The following PCDHA5 variants were observed in gnomAD, a reference collection of about 807,000 sequenced individuals.
PCDHA5 encodes the protein protocadherin alpha 5, also known as protocadherin alpha-5.
Under a neutral mutation model 61.6 loss-of-function variants are expected in PCDHA5, and 43 were observed. The observed-to-expected ratio is 0.70, with a 90% CI of 0.55 to 0.90. The LOEUF (loss-of-function observed/expected upper bound fraction) is 0.90, where lower values mean the gene tolerates loss of function less well. PCDHA5 is among the 40% of genes least tolerant of loss of function. PCDHA5 has a pLI of 0.00. For synonymous variants in PCDHA5, 627 were observed against 543.9 expected (o/e 1.15, Z -2.13); for missense variants, 1,298 against 1,222.7 (o/e 1.06, Z -0.92).
intron 2 of PCDHA5, chr5:140,982,259 G>A (rs2153828072): frequency 2.4e-6 from 2 of 820,856 alleles, no homozygotes; most frequent in South Asian, 4.9e-5. Context: ...GAACATGTGT[G>A]TTCCTGGAAT....
At chr5:140,857,620 C>G (rs782083775) in intron 1 of PCDHA5, 4 of 1,596,448 alleles carry the variant, frequency 2.5e-6, no homozygotes, top group Non-Finnish European at 3.4e-6. Context: ...CGCTGGACCA[C>G]GAGGAGCTGG....
At chr5:140,994,355 G>A (rs2097616615) in intron 3 of PCDHA5, among the ~76,000 whole-genome samples, 2 of 152,240 alleles carry the variant, frequency 1.3e-5, no homozygotes, top group South Asian at 4.1e-4. Flanking sequence ...TGGGACCTCA[G>A]AAGATGGAAT....
chr5:140,960,713 ATCTTATTTTAGT>A (rs2095563566), intron 1 of PCDHA5, among the ~76,000 whole-genome samples: 3 of 150,862 alleles, frequency 2.0e-5, no homozygotes, highest in Non-Finnish European at 4.4e-5. Flanking sequence ...CCAAATACTC[ATCTTATTTTAGT>A]CCATGATTTT....
intron 1 of PCDHA5, chr5:140,877,329 C>T: frequency 6.2e-7 from 1 of 1,614,012 alleles, no homozygotes; most frequent in South Asian, 1.1e-5. Flanking sequence ...TCGGCGCGCA[C>T]ATCCCGTTCC....
intron 1 of PCDHA5, among the ~76,000 whole-genome samples, chr5:140,901,174 G>C (rs782712619): frequency 1.3e-5 from 2 of 152,050 alleles, no homozygotes; most frequent in Non-Finnish European, 2.9e-5. Flanking sequence ...TCTTCACTTT[G>C]TTGATTGTTT....
chr5:140,919,115 T>G (rs2079009343), intron 1 of PCDHA5, among the ~76,000 whole-genome samples: 1 of 152,228 alleles, frequency 6.6e-6, no homozygotes, highest in Non-Finnish European at 1.5e-5. Context: ...TTCTGCCAGT[T>G]TTTGCTTCAT....
At chr5:140,938,204 C>T (rs2091973590) in intron 1 of PCDHA5, among the ~76,000 whole-genome samples, 1 of 152,136 alleles carries the variant, frequency 6.6e-6, no homozygotes, top group East Asian at 1.9e-4. Flanking sequence ...CGCCAGCCTC[C>T]CAAAGTGCTG....
rs1038140347 is a variant in PCDHA5 at position 140,928,220 on chromosome 5, C to T, written c.2353-50729C>T. On this transcript the variant is annotated intron_variant, in intron 1 of 3. Transcript: ENST00000529859. ...GTTGCTGATGTGAATGACAATACAC[C>T]AAACTTTCCTCAACCCCAGCAGGAA... The T allele has an allele frequency of 2.5e-6, 4 of 1,614,048 alleles. No individual in the cohort carries two copies. The Admixed American group carries it at 5.0e-5, about 20-fold the overall frequency.
At chr5:140,842,098 A>G (rs2150329282) in intron 1 of PCDHA5, 1 of 1,613,922 alleles carries the variant, frequency 6.2e-7, no homozygotes. Flanking sequence ...ACAACGGAAC[A>G]ACAGTTATCA....
chr5:140,822,856 G>A lies in PCDHA5; in HGVS notation c.1081G>A (p.Asp361Asn). 1.9e-6 allele frequency: 3 copies of A among 1,614,206 alleles called. No individual in the cohort carries two copies. The highest frequency in any genetic ancestry group is 2.5e-6 in the Non-Finnish European group (3 of 1,180,040). Residue 361 changes from aspartate (D) to asparagine (N), a missense_variant, in exon 1 of 4, where the codon GAC (aspartate) becomes AAC (asparagine). Transcript: ENST00000529859. ...CACCCTTTTCCTGCCTGTCAAAGAG[G>A]ACGCTCCACTCAGCACGGTCATTGC... ...ITTLFLPVKE[D>N]APLSTVIALI...
intron 1 of PCDHA5, among the ~76,000 whole-genome samples, chr5:140,827,687 G>T (rs2150148764): frequency 6.6e-6 from 1 of 152,200 alleles, no homozygotes; most frequent in South Asian, 2.1e-4. Context: ...TTGCTGAACT[G>T]GTTGATATTA....
At position 140,822,687 on chromosome 5, in the gene PCDHA5, C is replaced by T. The variant is rs2150118537; in HGVS notation, c.912C>T (p.Asn304=). 1 of 1,608,794 alleles carries T rather than the reference C, an allele frequency of 6.2e-7. No individual in the cohort carries two copies. Among genetic ancestry groups the T allele is most frequent in the African/African-American group, 1.3e-5 (1 of 74,836 alleles). The stretch of plus-strand genomic sequence containing the variant: ...CTAATACTGGTGAAATAAAAGTTAA[C>T]GGGGAACTGGATTATGAAGACTATA... ...INSNTGEIKV[N]GELDYEDYNS... is the part of the protein sequence containing the mutation. Residue 304 remains asparagine, a synonymous_variant, in exon 1 of 4, where the codon AAC becomes AAT. Coordinates refer to ENST00000529859, the MANE Select transcript of PCDHA5 (RefSeq NM_018908.3).
At chr5:140,836,368 C>G (rs183521691) in intron 1 of PCDHA5, 2 of 1,613,746 alleles carry the variant, frequency 1.2e-6, no homozygotes, top group African/African-American at 1.3e-5. Flanking sequence ...CTGACAGCCA[C>G]AGCCACCGTG....
chr5:140,916,161 GC>G (rs2077457967), intron 1 of PCDHA5, among the ~76,000 whole-genome samples: 1 of 152,084 alleles, frequency 6.6e-6, no homozygotes, highest in African/African-American at 2.4e-5. Flanking sequence ...GGTGAATGCT[GC>G]CAGGCCTGGG....
chr5:140,977,342 T>C (rs1554238451), intron 1 of PCDHA5, among the ~76,000 whole-genome samples: 3 of 152,222 alleles, frequency 2.0e-5, no homozygotes, highest in Non-Finnish European at 4.4e-5. Context: ...GAGACGGTGA[T>C]GATGACTGAT....
At chr5:140,937,085 T>G (rs1386368270) in intron 1 of PCDHA5, among the ~76,000 whole-genome samples, 2 of 150,536 alleles carry the variant, frequency 1.3e-5, no homozygotes, top group African/African-American at 4.9e-5. Context: ...TCGCCCAGGC[T>G]GGAGTGCAGT....
intron 1 of PCDHA5, among the ~76,000 whole-genome samples, chr5:140,884,922 T>C (rs1253595342): frequency 6.6e-6 from 1 of 152,246 alleles, no homozygotes; most frequent in African/African-American, 2.4e-5. Context: ...TAGTTCTAAG[T>C]ATTTATCTTG....
At chr5:140,827,376 A>G (rs1769268337) in intron 1 of PCDHA5, among the ~76,000 whole-genome samples, 2 of 152,246 alleles carry the variant, frequency 1.3e-5, no homozygotes, top group African/African-American at 4.8e-5. Context: ...GAATCCTAAT[A>G]TAAGCTGCAG....
At chr5:141,007,395 CAA>C (rs35800918) in intron 3 of PCDHA5, among the ~76,000 whole-genome samples, 1,140 of 94,858 alleles carry the variant, frequency 0.012, 9 homozygotes, top group South Asian at 0.036. Context: ...TACTAAAATA[CAA>C]AAAAAAAAAA....
Sources: allele counts gnomAD v4.1 joint callset (sites outside exome capture counted in the v4.1 genomes callset), GRCh38; gene constraint gnomAD v4.1.1; transcripts MANE v1.5; gene names NCBI Gene and HGNC (gene_info 2026-07-23, HGNC 2026-07-21).